Variants in CTHRC1 observed in about 807,000 individuals in gnomAD.
The protein encoded by CTHRC1 is collagen triple helix repeat-containing protein 1.
A neutral mutation model predicts 25.9 loss-of-function variants in CTHRC1; 21 were observed. The ratio of observed to expected loss-of-function variants is 0.81; its 90% CI spans 0.57 to 1.17. The LOEUF is 1.17. Among genes scored for constraint, CTHRC1 ranks in the 50% most tolerant of loss-of-function variants. The pLI is 0.00. For synonymous variants in CTHRC1, 109 were observed against 113.1 expected, an observed-to-expected ratio of 0.96 and a Z score of 0.23; for missense variants, 281 against 304.3, an observed-to-expected ratio of 0.92 and a Z score of 0.57.
Position 103,382,519 on chromosome 8 carries a change from T to G in CTHRC1, c.651T>G (p.Thr217=), listed in dbSNP as rs1166401177. 1 of 1,613,328 alleles carries G rather than the reference T, an allele frequency of 6.2e-7. No individual in the cohort carries two copies. Among genetic ancestry groups the G allele is most frequent in the Non-Finnish European group, 8.5e-7 (1 of 1,179,348 alleles). ...GLVDVAIWVG[T]CSDYPKGDAS... ...TGGATGTTGCTATCTGGGTTGGTAC[T>G]TGTTCAGATTACCCAAAAGGAGATG... Residue 217 remains threonine (T), a synonymous_variant, in exon 4 of 4, where the codon ACT becomes ACG. Coordinates refer to ENST00000330295, the MANE Select transcript of CTHRC1 (RefSeq NM_138455.4).
At position 103,371,576 on chromosome 8, in the gene CTHRC1, G is replaced by A. The variant is rs994267070; in HGVS notation, c.-81G>A. On this transcript the variant is annotated 5_prime_UTR_variant, in exon 1 of 4. Coordinates refer to ENST00000330295, the MANE Select transcript of CTHRC1 (RefSeq NM_138455.4). ...ATGCAGCCTGCGGCGGCCTCGGAGC[G>A]CGGCGGAGCCAGACGCTGACCACGT... 1.1e-5 allele frequency: 16 copies of A among 1,453,720 alleles called. No individual in the cohort carries two copies. Among genetic ancestry groups the A allele is most frequent in the Non-Finnish European group, 1.3e-5 (14 of 1,086,692 alleles). 90.1% of individuals were successfully genotyped at this position (1,453,720 alleles called of 1,614,324 possible). A position where few individuals can be genotyped will look rare whatever the true frequency, so the allele number is the denominator to read the frequency against.
chr8:103,371,851 G>A, intron 1 of CTHRC1, 45 bp downstream of exon 1: 1 of 1,459,518 alleles, frequency 6.9e-7, no homozygotes, highest in South Asian at 1.4e-5. Flanking sequence ...CTGGTGGAGG[G>A]GACCTGGCCG....
Position 103,375,750 on chromosome 8 carries a change from T to C in CTHRC1, c.163T>C (p.Cys55Arg). The change falls in exon 2 of 4, where the codon TGC (cysteine) becomes CGC (arginine). Residue 55 changes from cysteine (C) to arginine (R), a missense_variant. Physicochemically the swap from Cys to Arg is radical, Grantham distance 180 (BLOSUM62 -3). Transcript: ENST00000330295. The stretch of plus-strand genomic sequence containing the variant: ...TTTCTCATTATAGTATAATGGAATG[T>C]GCTTACAAGGGCCAGCAGGAGTGCC... Reference protein sequence around the residue: ...REVVDLYNGMCLQGPAGVPGR... With the variant: ...REVVDLYNGMRLQGPAGVPGR... 6.2e-7 allele frequency: 1 copy of C among 1,613,960 alleles called. No homozygotes were observed.
Position 103,371,732 on chromosome 8 carries a change from G to A in CTHRC1, c.76G>A (p.Ala26Thr). 1.3e-6 allele frequency: 2 copies of A among 1,535,214 alleles called. No individual in the cohort carries two copies. The highest frequency in any genetic ancestry group is 1.2e-5 in the South Asian group (1 of 82,456). The change falls in exon 1 of 4, where the codon GCG (alanine) becomes ACG (threonine). Residue 26 changes from alanine (A) to threonine (T), a missense_variant. Ala to Thr is a moderately conservative substitution (Grantham distance 58, BLOSUM62 0). Coordinates refer to ENST00000330295, the MANE Select transcript of CTHRC1 (RefSeq NM_138455.4). ...GCTGCTCCTGCTGCTGCAGCTGCCC[G>A]CGCCGTCGAGCGCCTCTGAGATCCC... ...LLLLLLLQLP[A>T]PSSASEIPKG...
chr8:103,371,835 G>A lies in CTHRC1; in HGVS notation c.150+29G>A, dbSNP rs1156651806. ...AGTCCGAGGGAGCCGAGCCGGGACC[G>A]CCGCGCTGGTGGAGGGGACCTGGCC... On this transcript the variant is annotated intron_variant, in intron 1 of 3. Transcript: ENST00000330295. 4 of 1,477,400 alleles carry A rather than the reference G, an allele frequency of 2.7e-6. No individual in the cohort carries two copies. The African/African-American group carries it at 5.9e-5, about 22-fold the overall frequency. 91.5% of individuals were successfully genotyped at this position (1,477,400 alleles called of 1,614,324 possible).
rs543004463 is a variant in CTHRC1, at chr8:103,382,092, A to G, written c.590-366A>G. 2.6e-5 allele frequency among the ~76,000 whole-genome samples: 4 copies of G among 152,236 alleles called. No homozygotes were observed. In the East Asian group the frequency reaches 7.7e-4, roughly 29 times the overall value. On this transcript the variant is annotated intron_variant, in intron 3 of 3. Transcript: ENST00000330295. ...CTTTCTTTTTTTAAAAAAGACTTGC[A>G]TATCAAATGAAAGTCTTGGCTTTTA...
In CTHRC1 at chr8:103,372,552, A is replaced by G. The variant is rs6995597; in HGVS notation, c.150+746A>G. 0.055 allele frequency: 87,416 copies of G among 1,598,168 alleles called. 2,834 individuals carry two copies. Among genetic ancestry groups the G allele is most frequent in the African/African-American group, 0.12 (9,167 of 74,974 alleles). On this transcript the variant is annotated intron_variant, in intron 1 of 3. Transcript: ENST00000330295. ...CATTACACACACCCTGGGTCTTCAT[A>G]TGTGGCCGCCAGGTAGGAGCATCAC...
chr8:103,377,945 A>C, intron 2 of CTHRC1, 82 bp from the exon 3 acceptor site: 1 of 1,156,746 alleles, frequency 8.6e-7, no homozygotes, highest in Non-Finnish European at 1.3e-6. Flanking sequence ...AAGGATAGTT[A>C]AGTAAAATTC....
Position 103,372,692 on chromosome 8 carries a change from T to C in CTHRC1, c.150+886T>C, listed in dbSNP as rs752314794. 29 of 1,582,464 alleles carry C rather than the reference T, an allele frequency of 1.8e-5. No homozygotes were observed. In the East Asian group the frequency reaches 4.2e-4, roughly 23 times the overall value. The stretch of plus-strand genomic sequence containing the variant: ...TGCTTAAAATCCTTCCCTCTAAAAA[T>C]CAACAAACCCAGTGGAGGGCGGAGA... On this transcript the variant is annotated intron_variant, in intron 1 of 3. Transcript: ENST00000330295.
Position 103,371,648 on chromosome 8 carries a change from C to G in CTHRC1, c.-9C>G, listed in dbSNP as rs1287538011. ...CCTCCAGCTCCGCGCTGCCCGGCAGCCGGGAGCCATGCGACCCCAGGGCCC... is the reference window on the plus strand; with the variant it reads ...CCTCCAGCTCCGCGCTGCCCGGCAGGCGGGAGCCATGCGACCCCAGGGCCC... On this transcript the variant is annotated 5_prime_UTR_variant, in exon 1 of 4. Coordinates refer to ENST00000330295, the MANE Select transcript of CTHRC1 (RefSeq NM_138455.4). 6.5e-7 allele frequency: 1 copy of G among 1,532,130 alleles called. No individual in the cohort carries two copies. 94.9% of individuals were successfully genotyped at this position (1,532,130 alleles called of 1,614,324 possible).
intron 3 of CTHRC1, among the ~76,000 whole-genome samples, chr8:103,379,246 GTTTA>G (rs946299060): frequency 1.3e-5 from 2 of 151,768 alleles, no homozygotes; most frequent in Admixed American, 6.6e-5. Context: ...TTATGTATTT[GTTTA>G]TTTATTTATT....
intron 3 of CTHRC1, among the ~76,000 whole-genome samples, chr8:103,380,202 A>G (rs916982104): frequency 6.6e-5 from 10 of 152,364 alleles, no homozygotes; most frequent in African/African-American, 2.4e-4. Flanking sequence ...CTATTCTGTT[A>G]TCTTTAAGGT....
rs141664320 is a variant in CTHRC1, at chr8:103,375,345, T to A, written c.151-393T>A. Among the ~76,000 whole-genome samples the A allele has an allele frequency of 2.4e-4, 37 of 152,294 alleles. No homozygotes were observed. The East Asian group carries it at 6.7e-3, about 28-fold the overall frequency. On this transcript the variant is annotated intron_variant, in intron 1 of 3. Transcript: ENST00000330295. Reference sequence around the variant, plus strand: ...AATAAACTATCCAAAAATAGTGCAATGTTTGCATAAAACTGTAAAAATCCA... The same window carrying A: ...AATAAACTATCCAAAAATAGTGCAAAGTTTGCATAAAACTGTAAAAATCCA...
At chr8:103,376,888 C>CA (rs1563708922) in intron 2 of CTHRC1, among the ~76,000 whole-genome samples, 4 of 151,974 alleles carry the variant, frequency 2.6e-5, no homozygotes, top group African/African-American at 7.3e-5. Flanking sequence ...ATGACCTTTT[C>CA]TGTGTTCATG....
intron 1 of CTHRC1, among the ~76,000 whole-genome samples, chr8:103,375,315 G>A (rs1411091834): frequency 1.3e-5 from 2 of 152,142 alleles, no homozygotes; most frequent in African/African-American, 4.8e-5. Context: ...AATAAAAAAA[G>A]TAGAAATAAA....
At chr8:103,376,102 T>C (rs1437535668) in intron 2 of CTHRC1, 143 bp downstream of exon 2, 1 of 689,426 alleles carries the variant, frequency 1.5e-6, no homozygotes, top group African/African-American at 1.8e-5. Context: ...AATTTAAAAC[T>C]AATGAAAAAG....
At chr8:103,378,633 G>A (rs1384868851) in intron 3 of CTHRC1, among the ~76,000 whole-genome samples, 1 of 152,108 alleles carries the variant, frequency 6.6e-6, no homozygotes, top group East Asian at 1.9e-4. Flanking sequence ...AGGAACTCTG[G>A]GAACTTTAAA....
chr8:103,380,432 T>C (rs576687666), intron 3 of CTHRC1, among the ~76,000 whole-genome samples: 1 of 152,342 alleles, frequency 6.6e-6, no homozygotes, highest in African/African-American at 2.4e-5. Context: ...TCACTTTTTC[T>C]GACATACTGA....
Position 103,382,485 on chromosome 8 carries a change from C to T in CTHRC1, c.617C>T (p.Ala206Val), listed in dbSNP as rs767599276. Residue 206 changes from alanine (A) to valine (V), a missense_variant, in exon 4 of 4, where the codon GCT becomes GTT. Ala to Val is a moderately conservative substitution (Grantham distance 64, BLOSUM62 0). Transcript: ENST00000330295. ...SVEGLCEGIG[A>V]GLVDVAIWVG... Reference sequence around the variant, plus strand: ...GAAGGACTTTGTGAAGGAATTGGTGCTGGATTAGTGGATGTTGCTATCTGG... The same window carrying T: ...GAAGGACTTTGTGAAGGAATTGGTGTTGGATTAGTGGATGTTGCTATCTGG... 13 of 1,613,722 alleles carry T rather than the reference C, an allele frequency of 8.1e-6. No homozygotes were observed. In the Admixed American group the frequency reaches 2.2e-4, roughly 27 times the overall value.
Sources: gnomAD v4.1 joint callset for allele counts (sites outside exome capture counted in the v4.1 genomes callset) on GRCh38, gnomAD v4.1.1 for gene constraint, MANE v1.5 for transcripts, NCBI Gene and HGNC (gene_info 2026-07-23, HGNC 2026-07-21) for gene names.